The following GPM6B variants were observed in gnomAD, a reference collection of about 807,000 sequenced individuals.
The protein encoded by GPM6B is glycoprotein M6B.
In GPM6B, 4 loss-of-function variants were observed where a neutral mutation model predicts 27.2. The ratio of observed to expected loss-of-function variants is 0.15; its 90% confidence interval spans 0.07 to 0.34. The LOEUF is 0.34. Ranked by LOEUF, GPM6B falls within the 10% of genes least tolerant of loss-of-function variation. The pLI, the probability that GPM6B is intolerant of heterozygous loss-of-function variation, is 1.00. For synonymous variants in GPM6B, 124 were observed against 103.1 expected (o/e 1.20, Z -1.23); for missense variants, 183 against 261.9 (o/e 0.70, Z 2.08).
upstream of GPM6B, chrX:13,817,115 G>A: frequency 1.0e-6 from 1 of 965,773 alleles, no homozygotes. Flanking sequence ...CATAAAGACA[G>A]CTGCCAAGGG....
At chrX:13,782,763 A>G (rs943047930) in intron 4 of GPM6B, among the ~76,000 whole-genome samples, 1 of 71,393 alleles carries the variant, frequency 1.4e-5, no homozygotes, top group Non-Finnish European at 2.6e-5. Flanking sequence ...GTCTCAAAAA[A>G]AAAAAAAAAA....
In GPM6B at chrX:13,846,639, C is replaced by T. The variant is rs914856833; in HGVS notation, c.-197-60831G>A. Among the ~76,000 whole-genome samples the T allele has an allele frequency of 6.4e-5, 7 of 109,250 alleles. No homozygotes were observed. The East Asian group carries it at 1.4e-3, about 22-fold the overall frequency. The allele number at this position is 109,250 out of a possible 115,157, so 94.9% of individuals were successfully genotyped here. A position where few individuals can be genotyped will look rare whatever the true frequency, so the allele number is the denominator to read the frequency against. ...CCAAGTAGCTGGTACTACAGGCGCC[C>T]GCCACAATGCCAGACTAAATTTTTG... On this transcript the variant is annotated intron_variant, in intron 1 of 6. Transcript: ENST00000398361.
At chrX:13,838,720 A>T (rs777252333) in intron 1 of GPM6B, among the ~76,000 whole-genome samples, 1 of 111,825 alleles carries the variant, frequency 8.9e-6, no homozygotes, top group East Asian at 2.8e-4. Flanking sequence ...AAGGGGAGGC[A>T]GCTGAACCTG....
At chrX:13,776,478 A>T (rs768117950) in intron 6 of GPM6B, among the ~76,000 whole-genome samples, 175 bp from the exon 7 acceptor site, 1 of 111,527 alleles carries the variant, frequency 9.0e-6, no homozygotes, top group Non-Finnish European at 1.9e-5. Flanking sequence ...GGAGCTTTAA[A>T]AACTTTCTGA....
intron 1 of GPM6B, among the ~76,000 whole-genome samples, chrX:13,815,918 T>C: frequency 8.9e-6 from 1 of 111,931 alleles, no homozygotes; most frequent in South Asian, 3.8e-4. Context: ...AACCTTAGCA[T>C]GATGGCTTTT....
chrX:13,922,632 C>A (rs1482706160), intron 1 of GPM6B, among the ~76,000 whole-genome samples: 2 of 112,031 alleles, frequency 1.8e-5, no homozygotes, highest in African/African-American at 6.5e-5. Flanking sequence ...AATGCTATGT[C>A]ACTTGTCATG....
At chrX:13,799,294 C>T (rs1443391006) in intron 2 of GPM6B, among the ~76,000 whole-genome samples, 5 of 92,314 alleles carry the variant, frequency 5.4e-5, no homozygotes, top group Non-Finnish European at 1.0e-4. Flanking sequence ...CTCACTGCAA[C>T]CTCTGCCTCC....
At chrX:13,861,956 G>A (rs1051628374) in intron 1 of GPM6B, among the ~76,000 whole-genome samples, 1 of 111,506 alleles carries the variant, frequency 9.0e-6, no homozygotes, top group African/African-American at 3.3e-5. Context: ...TCCAGAAATG[G>A]TAAGAATCAA....
chrX:13,846,658 AT>A (rs1340692232), intron 1 of GPM6B, among the ~76,000 whole-genome samples: 1 of 108,877 alleles, frequency 9.2e-6, no homozygotes, highest in African/African-American at 3.4e-5. Context: ...GCCAGACTAA[AT>A]TTTTGTATTT....
At chrX:13,779,042 C>T (rs963424420) in intron 5 of GPM6B, among the ~76,000 whole-genome samples, 2 of 111,318 alleles carry the variant, frequency 1.8e-5, no homozygotes, top group African/African-American at 3.3e-5. Flanking sequence ...CCCCCACCCC[C>T]GGTTGTTTCT....
At chrX:13,901,073 A>T (rs139557372) in intron 1 of GPM6B, among the ~76,000 whole-genome samples, 2,639 of 111,688 alleles carry the variant, frequency 0.024, 82 homozygotes, top group East Asian at 0.2. Flanking sequence ...TCTTGAAATT[A>T]TCTGGGCCAA....
rs200163509 is a variant in GPM6B at position 13,776,483 on chromosome X, TTC to T, written c.772-182_772-181del. ...AATCACCCGAGGAGCTTTAAAAACTTTCTGATGCCCAGACTGCCCCCCAAATC... is the reference window on the plus strand; with the variant it reads ...AATCACCCGAGGAGCTTTAAAAACTTTGATGCCCAGACTGCCCCCCAAATC... On this transcript the variant is annotated intron_variant, in intron 6 of 7. Transcript: ENST00000316715. Among the ~76,000 whole-genome samples, 676 of 111,860 alleles carry T rather than the reference TTC, an allele frequency of 6.0e-3. 4 individuals are homozygous for T. Among genetic ancestry groups the T allele is most frequent in the African/African-American group, 0.021 (644 of 30,770 alleles).
At chrX:13,844,022 T>C (rs1177783308) in intron 1 of GPM6B, among the ~76,000 whole-genome samples, 1 of 112,378 alleles carries the variant, frequency 8.9e-6, no homozygotes, top group Admixed American at 9.4e-5. Context: ...CTAACAGTTT[T>C]ATAATTTTAG....
intron 4 of GPM6B, chrX:13,781,043 T>A (rs764608316): frequency 7.6e-6 from 2 of 263,479 alleles, no homozygotes; most frequent in East Asian, 1.5e-4. Flanking sequence ...TTTCAGCAGT[T>A]CCACCTCCCA....
chrX:13,877,829 A>G (rs1213690443), intron 1 of GPM6B, among the ~76,000 whole-genome samples: 1 of 100,766 alleles, frequency 9.9e-6, no homozygotes, highest in Admixed American at 1.1e-4. Flanking sequence ...TCTGCCAAAA[A>G]AAAAAAAAAA....
intron 3 of GPM6B, among the ~76,000 whole-genome samples, chrX:13,785,256 ACAT>A (rs1452891438): frequency 1.8e-5 from 2 of 111,599 alleles, no homozygotes; most frequent in Admixed American, 9.5e-5. Context: ...TTTCTGAAAA[ACAT>A]CATGAGGTGG....
At chrX:13,913,290 C>G (rs1275516888) in intron 1 of GPM6B, among the ~76,000 whole-genome samples, 1 of 105,537 alleles carries the variant, frequency 9.5e-6, no homozygotes, top group Non-Finnish European at 1.9e-5. Flanking sequence ...GCTGGGACCA[C>G]AGGCATGCAC....
chrX:13,823,080 T>C (rs1268518718), intron 1 of GPM6B, among the ~76,000 whole-genome samples: 2 of 112,651 alleles, frequency 1.8e-5, no homozygotes, highest in African/African-American at 6.4e-5. Flanking sequence ...TTTTGATCCC[T>C]TACTCTTTTT....
chrX:13,789,956 C>T (rs1438737197), intron 2 of GPM6B, among the ~76,000 whole-genome samples: 1 of 111,881 alleles, frequency 8.9e-6, no homozygotes, highest in Non-Finnish European at 1.9e-5. Context: ...AGCGATCCTC[C>T]CACCTCAGCC....
Sources: allele counts gnomAD v4.1 joint callset (sites outside exome capture counted in the v4.1 genomes callset), GRCh38; gene constraint gnomAD v4.1.1; transcripts MANE v1.5; gene names NCBI Gene and HGNC (gene_info 2026-07-23, HGNC 2026-07-21).